N4BP2: variants seen among roughly 807,000 people sequenced by gnomAD.
N4BP2 encodes NEDD4 binding protein 2.
N4BP2 carries 91 observed loss-of-function variants against 152.8 expected under a neutral mutation model. The observed-to-expected ratio is 0.60, with a 90% CI of 0.50 to 0.71. N4BP2 has a LOEUF of 0.71. N4BP2 is among the 30% of genes least tolerant of loss of function. N4BP2 has a pLI of 0.00. For synonymous variants in N4BP2, 646 were observed against 705.3 expected (o/e 0.92, Z 1.33); for missense variants, 1,923 against 2,059.1 (o/e 0.93, Z 1.28).
At chr4:40,183,276 T>G in the N4BP2 span, among the ~76,000 whole-genome samples, 6 of 152,310 alleles carry the variant, frequency 3.9e-5, no homozygotes, top group African/African-American at 1.4e-4. Context: ...ACCAATCATT[T>G]CTATACAGTA....
chr4:40,088,458 T>C (rs1269918175), intron 2 of N4BP2, among the ~76,000 whole-genome samples: 3 of 152,094 alleles, frequency 2.0e-5, no homozygotes, highest in African/African-American at 7.2e-5. Context: ...TTGTACCTGT[T>C]TTTTATTTTA....
At chr4:40,110,979 T>C (rs1053923692) in intron 5 of N4BP2, among the ~76,000 whole-genome samples, 1 of 152,242 alleles carries the variant, frequency 6.6e-6, no homozygotes, top group Non-Finnish European at 1.5e-5. Flanking sequence ...TATGGTCTAA[T>C]TCCTTTGGAA....
chr4:40,108,745 C>T (rs1450412090), intron 5 of N4BP2, among the ~76,000 whole-genome samples: 1 of 151,836 alleles, frequency 6.6e-6, no homozygotes, highest in Admixed American at 6.6e-5. Context: ...ATAGTTTTAT[C>T]ATTAAATGTT....
intron 2 of N4BP2, chr4:40,083,065 GC>G: frequency 8.4e-6 from 2 of 238,912 alleles, no homozygotes; most frequent in Non-Finnish European, 1.7e-5. Flanking sequence ...GTATACTTCA[GC>G]CCACGCCCTG....
intron 2 of N4BP2, among the ~76,000 whole-genome samples, chr4:40,084,174 C>T (rs897343329): frequency 6.6e-6 from 1 of 152,152 alleles, no homozygotes; most frequent in African/African-American, 2.4e-5. Flanking sequence ...TGGTCTTGAA[C>T]CCCTGACCTC....
intron 2 of N4BP2, among the ~76,000 whole-genome samples, chr4:40,086,624 C>T (rs1004599615): frequency 4.0e-5 from 6 of 151,446 alleles, no homozygotes; most frequent in Non-Finnish European, 5.9e-5. Flanking sequence ...CATAAGCCAC[C>T]GGGCCCGACC....
chr4:40,125,421 C>A (rs1167945100), intron 11 of N4BP2, among the ~76,000 whole-genome samples: 1 of 152,142 alleles, frequency 6.6e-6, no homozygotes, highest in East Asian at 1.9e-4. Flanking sequence ...CCAAAGTAAT[C>A]GATCTTCTTG....
chr4:40,075,919 C>G (rs1001151209), intron 2 of N4BP2, among the ~76,000 whole-genome samples: 5 of 152,194 alleles, frequency 3.3e-5, no homozygotes, highest in Non-Finnish European at 5.9e-5. Context: ...CTTGGCCTCT[C>G]AGGCCCAAAC....
intron 5 of N4BP2, among the ~76,000 whole-genome samples, chr4:40,107,945 A>G (rs981988404): frequency 1.4e-5 from 2 of 148,124 alleles, no homozygotes; most frequent in African/African-American, 5.0e-5. Flanking sequence ...TTTTTTTGAC[A>G]CAGTATCTCG....
intron 2 of N4BP2, among the ~76,000 whole-genome samples, chr4:40,084,886 GT>G: frequency 7.0e-6 from 1 of 143,542 alleles, no homozygotes; most frequent in Middle Eastern, 4.2e-3. Flanking sequence ...AAGTGCTGGG[GT>G]TACAGGTGTG....
At chr4:40,096,306 G>A (rs901500254) in intron 2 of N4BP2, among the ~76,000 whole-genome samples, 6 of 152,102 alleles carry the variant, frequency 3.9e-5, no homozygotes, top group Non-Finnish European at 8.8e-5. Flanking sequence ...GTCCTGAGAA[G>A]GTAACATTTG....
intron 7 of N4BP2, among the ~76,000 whole-genome samples, chr4:40,117,397 A>G (rs988608798): frequency 8.5e-5 from 13 of 152,334 alleles, no homozygotes; most frequent in Middle Eastern, 3.4e-3. Context: ...ATTCAACCCA[A>G]GACAGGAAAG....
rs114007703 is a variant in N4BP2 at position 40,063,180 on chromosome 4, G to A, written c.-212+6150G>A. ...TTGGTTTCTCTATTTTATTAGTTAGGACTTTTTGGTGTTCAAGTAACAGAA... is the reference window on the plus strand; with the variant it reads ...TTGGTTTCTCTATTTTATTAGTTAGAACTTTTTGGTGTTCAAGTAACAGAA... On this transcript the variant is annotated intron_variant, in intron 1 of 17. Coordinates refer to ENST00000261435, the MANE Select transcript of N4BP2 (RefSeq NM_018177.6). 5.2e-3 allele frequency among the ~76,000 whole-genome samples: 791 copies of A among 152,178 alleles called. 4 individuals are homozygous for A. Among genetic ancestry groups the A allele is most frequent in the African/African-American group, 0.018 (732 of 41,520 alleles).
Position 40,103,012 on chromosome 4 carries a change from C to G in N4BP2, c.1167C>G (p.His389Gln), listed in dbSNP as rs745927340. The change falls in exon 4 of 18, where the codon CAC becomes CAG. Residue 389 changes from histidine to glutamine, a missense_variant. His to Gln is a conservative substitution (Grantham distance 24, BLOSUM62 0). Coordinates refer to ENST00000261435, the MANE Select transcript of N4BP2 (RefSeq NM_018177.6). ...CTCCTGTTGTAACCACAGCTGCACA[C>G]TGGAGATCTGTCAACTACACATTTC... ...FVAPVVTTAA[H>Q]WRSVNYTFPP... 6.2e-7 allele frequency: 1 copy of G among 1,614,158 alleles called. No homozygotes were observed. The highest frequency in any genetic ancestry group is 8.5e-7 in the Non-Finnish European group (1 of 1,179,984).
intron 12 of N4BP2, among the ~76,000 whole-genome samples, chr4:40,127,098 C>T (rs550470554): frequency 1.3e-5 from 2 of 152,030 alleles, no homozygotes; most frequent in African/African-American, 4.8e-5. Flanking sequence ...GCCATGTTGC[C>T]CAGGCTGGTC....
At chr4:40,123,997 A>G (rs560022512) in intron 10 of N4BP2, among the ~76,000 whole-genome samples, 163 bp from the exon 11 acceptor site, 4 of 152,180 alleles carry the variant, frequency 2.6e-5, no homozygotes, top group Admixed American at 2.6e-4. Context: ...GTCATACTTC[A>G]TAATTTTTAT....
chr4:40,111,513 G>T (rs942993550), intron 5 of N4BP2, among the ~76,000 whole-genome samples: 3 of 152,102 alleles, frequency 2.0e-5, no homozygotes, highest in African/African-American at 7.2e-5. Flanking sequence ...TGGAGACGGG[G>T]TTTCAATATG....
At chr4:40,104,781 G>A (rs147908101) in intron 4 of N4BP2, among the ~76,000 whole-genome samples, 1 of 151,850 alleles carries the variant, frequency 6.6e-6, no homozygotes, top group African/African-American at 2.4e-5. Context: ...AACAGGAAGA[G>A]TGTTGAGACA....
At chr4:40,112,943 A>T (rs1472233799) in intron 6 of N4BP2, among the ~76,000 whole-genome samples, 1 of 152,192 alleles carries the variant, frequency 6.6e-6, no homozygotes, top group African/African-American at 2.4e-5. Flanking sequence ...ACCTCAGTTA[A>T]TCCACCAACC....
Sources: gnomAD v4.1 joint callset for allele counts (sites outside exome capture counted in the v4.1 genomes callset) on GRCh38, gnomAD v4.1.1 for gene constraint, MANE v1.5 for transcripts, NCBI Gene and HGNC (gene_info 2026-07-23, HGNC 2026-07-21) for gene names.